The following ACBD7 variants were observed in gnomAD, a reference collection of about 807,000 sequenced individuals.
The protein encoded by ACBD7 is acyl-CoA binding domain containing 7.
In ACBD7, 11 loss-of-function variants were observed where a neutral mutation model predicts 13.7. The observed-to-expected ratio is 0.80, with a 90% CI of 0.50 to 1.33. ACBD7 has a LOEUF of 1.33. ACBD7 is among the 40% of genes most tolerant of loss of function. The pLI, the probability that ACBD7 is intolerant of heterozygous loss-of-function variation, is 0.00. For missense variants in ACBD7, 111 were observed against 103.0 expected (o/e 1.08, Z -0.33); for synonymous variants, 43 against 37.7 (o/e 1.14, Z -0.51).
At chr10:15,088,451 C>T (rs536422715) in intron 1 of ACBD7, 56 of 531,896 alleles carry the variant, frequency 1.1e-4, no homozygotes, top group East Asian at 1.1e-3. Context: ...AGGAGGCCCG[C>T]TCCGTGCTCC....
chr10:15,088,282 C>A, intron 1 of ACBD7: 1 of 177,756 alleles, frequency 5.6e-6, no homozygotes. Context: ...AAGTTTTCCA[C>A]CCTTAACAAT....
At chr10:15,088,628 C>T in intron 1 of ACBD7, 89 bp downstream of exon 1, 1 of 1,523,920 alleles carries the variant, frequency 6.6e-7, no homozygotes, top group South Asian at 1.2e-5. Flanking sequence ...GCCGACCGCT[C>T]CCAGGGGCGC....
chr10:15,076,699 T>C lies in ACBD7; in HGVS notation c.*1831A>G. On this transcript the variant is annotated 3_prime_UTR_variant, in exon 4 of 4. Transcript: ENST00000356189. ...TTGTATTTTTAGTAGAGATGGGGTT[T>C]TGCAATGTTGGTCAGGCTGGTCTCG... The C allele has an allele frequency of 1.3e-6, 1 of 799,764 alleles. No homozygotes were observed. The highest frequency in any genetic ancestry group is 1.5e-6 in the Non-Finnish European group (1 of 661,108). The allele number at this position is 799,764 out of a possible 1,614,324, so 49.5% of individuals were successfully genotyped here.
At chr10:15,079,647 C>T (rs535037299) in intron 1 of ACBD7, among the ~76,000 whole-genome samples, 19 of 151,810 alleles carry the variant, frequency 1.3e-4, no homozygotes, top group South Asian at 6.2e-4. Flanking sequence ...GGCAAGATCT[C>T]GGATCACTGC....
chr10:15,086,658 T>C (rs144660616), intron 1 of ACBD7, among the ~76,000 whole-genome samples: 1,758 of 151,904 alleles, frequency 0.012, 41 homozygotes, highest in African/African-American at 0.04. Flanking sequence ...GGTGGATCGC[T>C]TGAGCTCAGG....
chr10:15,084,513 C>T (rs1844786981), intron 1 of ACBD7, among the ~76,000 whole-genome samples: 1 of 152,122 alleles, frequency 6.6e-6, no homozygotes, highest in Non-Finnish European at 1.5e-5. Flanking sequence ...CAACAAAAGC[C>T]GAGATTTACT....
intron 1 of ACBD7, among the ~76,000 whole-genome samples, chr10:15,085,137 G>C (rs541676907): frequency 5.9e-5 from 9 of 152,174 alleles, no homozygotes; most frequent in Non-Finnish European, 1.3e-4. Context: ...CATCCTGGTT[G>C]AATGTTTTGT....
chr10:15,088,030 T>C (rs965573212), intron 1 of ACBD7, among the ~76,000 whole-genome samples: 3 of 152,106 alleles, frequency 2.0e-5, no homozygotes, highest in Non-Finnish European at 4.4e-5. Flanking sequence ...AATTACATTT[T>C]AGAATATTTA....
chr10:15,075,721 C>T lies in ACBD7; in HGVS notation c.*2809G>A, dbSNP rs143600413. Among the ~76,000 whole-genome samples, 1 of 152,246 alleles carries T rather than the reference C, an allele frequency of 6.6e-6. No individual in the cohort carries two copies. The highest frequency in any genetic ancestry group is 1.9e-4 in the East Asian group (1 of 5,168). Reference sequence around the variant, plus strand: ...GGACGCGGTGGCTCATGCCTATAGTCTCAGCACTTTGGGGGGCCAAGGTGG... The same window carrying T: ...GGACGCGGTGGCTCATGCCTATAGTTTCAGCACTTTGGGGGGCCAAGGTGG... On this transcript the variant is annotated 3_prime_UTR_variant, in exon 4 of 4. Coordinates refer to ENST00000356189, the MANE Select transcript of ACBD7 (RefSeq NM_001039844.3).
At chr10:15,084,560 C>T (rs890745885) in intron 1 of ACBD7, among the ~76,000 whole-genome samples, 13 of 152,316 alleles carry the variant, frequency 8.5e-5, no homozygotes, top group Middle Eastern at 3.4e-3. Flanking sequence ...GGGAGCAGGC[C>T]GAGCACAGGG....
intron 1 of ACBD7, among the ~76,000 whole-genome samples, chr10:15,083,967 G>C (rs1327678614): frequency 6.6e-6 from 1 of 152,224 alleles, no homozygotes; most frequent in African/African-American, 2.4e-5. Context: ...GAGATGAACA[G>C]GGCAACGGTG....
intron 1 of ACBD7, among the ~76,000 whole-genome samples, chr10:15,079,961 C>T (rs1300125957): frequency 1.3e-5 from 2 of 151,242 alleles, no homozygotes; most frequent in Non-Finnish European, 2.9e-5. Context: ...TCCTCTTCTG[C>T]CTCAGTCCAA....
chr10:15,086,178 G>C (rs1278206842), intron 1 of ACBD7, among the ~76,000 whole-genome samples: 7 of 151,994 alleles, frequency 4.6e-5, no homozygotes, highest in Non-Finnish European at 7.4e-5. Flanking sequence ...CGTGGTGGCA[G>C]GCACCTGTAA....
chr10:15,088,686 C>T (rs567531576), intron 1 of ACBD7, 31 bp downstream of exon 1: 3 of 1,594,502 alleles, frequency 1.9e-6, no homozygotes, highest in South Asian at 2.2e-5. Context: ...CGGAGCGCCC[C>T]TCCCGCGTGG....
chr10:15,088,689 C>T, intron 1 of ACBD7, 28 bp downstream of exon 1: 3 of 1,595,382 alleles, frequency 1.9e-6, no homozygotes, highest in Non-Finnish European at 8.5e-7. Flanking sequence ...AGCGCCCCTC[C>T]CGCGTGGCCT....
chr10:15,076,954 T>G lies in ACBD7; in HGVS notation c.*1576A>C, dbSNP rs758152489. The G allele has an allele frequency of 2.9e-5, 28 of 982,326 alleles. No homozygotes were observed. The highest frequency in any genetic ancestry group is 3.3e-5 in the Non-Finnish European group (27 of 827,180). The allele number at this position is 982,326 out of a possible 1,614,324, so 60.9% of individuals were successfully genotyped here. ...CTAAAAAGTCAAAAAACAACAGATG[T>G]GGAGAAAAGGGAATGCTTATACACT... is the stretch of plus-strand genomic sequence containing the variant. On this transcript the variant is annotated 3_prime_UTR_variant, in exon 4 of 4. Coordinates refer to ENST00000356189, the MANE Select transcript of ACBD7 (RefSeq NM_001039844.3).
rs532886102 is a variant in ACBD7, at chr10:15,085,876, A to G, written c.12+2841T>C. 3.9e-5 allele frequency among the ~76,000 whole-genome samples: 6 copies of G among 152,334 alleles called. No individual in the cohort carries two copies. In the South Asian group the frequency reaches 1.2e-3, roughly 32 times the overall value. On this transcript the variant is annotated intron_variant, in intron 1 of 3. Coordinates refer to ENST00000356189, the MANE Select transcript of ACBD7 (RefSeq NM_001039844.3). ...AATAGAAGACTGGGGACCCTGAACT[A>G]GTCACCTTTCCTCTCATTTCCACTC...
intron 1 of ACBD7, among the ~76,000 whole-genome samples, chr10:15,083,319 A>T (rs959124871): frequency 2.0e-5 from 3 of 152,218 alleles, no homozygotes; most frequent in African/African-American, 7.2e-5. Flanking sequence ...GATGAGCTGG[A>T]GTACAAACAA....
intron 1 of ACBD7, among the ~76,000 whole-genome samples, chr10:15,081,409 C>A (rs868524590): frequency 2.7e-4 from 41 of 152,166 alleles, no homozygotes; most frequent in African/African-American, 9.7e-4. Flanking sequence ...CACTGCAGCA[C>A]CTGGACCCAT....
Sources: gnomAD v4.1 joint callset for allele counts (sites outside exome capture counted in the v4.1 genomes callset) on GRCh38, gnomAD v4.1.1 for gene constraint, MANE v1.5 for transcripts, NCBI Gene and HGNC (gene_info 2026-07-23, HGNC 2026-07-21) for gene names.